BIRC6: variants seen among roughly 807,000 people sequenced by gnomAD.
BIRC6 encodes baculoviral IAP repeat containing 6, also known as dual E2 ubiquitin-conjugating enzyme/E3 ubiquitin-protein ligase BIRC6.
A neutral mutation model predicts 503.3 loss-of-function variants in BIRC6; 98 were observed. The ratio of observed to expected loss-of-function variants is 0.19; its 90% confidence interval spans 0.17 to 0.23. BIRC6 has a LOEUF of 0.23. Ranked by LOEUF, BIRC6 falls within the 10% of genes least tolerant of loss-of-function variation. BIRC6 has a pLI of 1.00. For synonymous variants in BIRC6, 2,240 were observed against 2,078.7 expected, an observed-to-expected ratio of 1.08 and a Z score of -2.11; for missense variants, 5,360 against 5,806.0, an observed-to-expected ratio of 0.92 and a Z score of 2.50.
At chr2:32,392,243 T>C (rs899686666) in intron 5 of BIRC6, 93 bp downstream of exon 5, 10 of 888,070 alleles carry the variant, frequency 1.1e-5, no homozygotes, top group Admixed American at 2.4e-5. Context: ...CAGAAACTTA[T>C]TTTGTGCACC....
intron 65 of BIRC6, among the ~76,000 whole-genome samples, chr2:32,568,111 C>T (rs2059654018): frequency 6.7e-6 from 1 of 148,742 alleles, no homozygotes; most frequent in Admixed American, 6.7e-5. Context: ...GACTCCGTCT[C>T]AAAAAACAAA....
chr2:32,420,937 A>ATT lies in BIRC6; in HGVS notation c.2872+4789_2872+4790dup, dbSNP rs70938343. ...GTCTAGAGGTTTATCTGTTTTATTG[A>ATT]TTTTTTTTTTTTTTTTCAGAACAAC... On this transcript the variant is annotated intron_variant, in intron 10 of 73. Transcript: ENST00000421745. Among the ~76,000 whole-genome samples the ATT allele has an allele frequency of 7.2e-3, 923 of 128,338 alleles. 6 individuals carry two copies. Among genetic ancestry groups the ATT allele is most frequent in the Non-Finnish European group, 0.012 (716 of 61,120 alleles). The allele number at this position is 128,338 out of a possible 152,430, so 84.2% of individuals were successfully genotyped here.
rs2062176397 is a variant in BIRC6 at position 32,603,095 on chromosome 2, T to G, written c.14070+12T>G. On this transcript the variant is annotated intron_variant, in intron 71 of 73. Transcript: ENST00000421745. ...CAAGCTTTTTGCAAGTAAACAAAATTTCTCTGACATTTTCACTTAAGAAAT... is the reference window on the plus strand; with the variant it reads ...CAAGCTTTTTGCAAGTAAACAAAATGTCTCTGACATTTTCACTTAAGAAAT... 6.3e-7 allele frequency: 1 copy of G among 1,599,490 alleles called. No homozygotes were observed. Among genetic ancestry groups the G allele is most frequent in the South Asian group, 1.1e-5 (1 of 88,152 alleles).
chr2:32,520,851 G>A (rs1420202988), intron 57 of BIRC6, among the ~76,000 whole-genome samples: 1 of 152,072 alleles, frequency 6.6e-6, no homozygotes, highest in African/African-American at 2.4e-5. Context: ...AATGAAGAAA[G>A]TGGGGAGGAG....
In BIRC6 at chr2:32,510,405, C is replaced by A. The variant is rs949630864; in HGVS notation, c.10238-121C>A. 1.8e-5 allele frequency: 12 copies of A among 674,772 alleles called. No homozygotes were observed. The African/African-American group carries it at 2.0e-4, about 11-fold the overall frequency. The allele number at this position is 674,772 out of a possible 1,614,324, so 41.8% of individuals were successfully genotyped here. A position where few individuals can be genotyped will look rare whatever the true frequency, so the allele number is the denominator to read the frequency against. ...AGTTTCATTATTTTTAGAGTTTGTT[C>A]TGTGTTGTTGGAATTTATGGAAGCC... On this transcript the variant is annotated intron_variant, in intron 52 of 73. Transcript: ENST00000421745.
At chr2:32,492,063 G>C (rs751708410) in intron 44 of BIRC6, among the ~76,000 whole-genome samples, 1 of 151,974 alleles carries the variant, frequency 6.6e-6, no homozygotes, top group Non-Finnish European at 1.5e-5. Context: ...TACTGCTTCT[G>C]TGTAAATATT....
intron 10 of BIRC6, among the ~76,000 whole-genome samples, chr2:32,422,664 T>C (rs1169046394): frequency 6.6e-6 from 1 of 152,194 alleles, no homozygotes; most frequent in Non-Finnish European, 1.5e-5. Context: ...CATATTTTAT[T>C]GATTTTGCTT....
intron 1 of BIRC6, among the ~76,000 whole-genome samples, chr2:32,375,568 T>G (rs1227077598): frequency 6.6e-6 from 1 of 151,458 alleles, no homozygotes; most frequent in Non-Finnish European, 1.5e-5. Context: ...ATTACAGGCA[T>G]GAGCCACCAT....
chr2:32,491,376 A>G (rs376665164), intron 43 of BIRC6, 49 bp from the exon 44 acceptor site: 26 of 1,508,624 alleles, frequency 1.7e-5, no homozygotes, highest in African/African-American at 2.8e-5. Context: ...CTGCATTTCC[A>G]TTATTTCATG....
intron 50 of BIRC6, 118 bp from the exon 51 acceptor site, chr2:32,507,862 C>T (rs2149559706): frequency 1.1e-6 from 1 of 918,836 alleles, no homozygotes; most frequent in Non-Finnish European, 1.5e-6. Flanking sequence ...ATAAGTTTTC[C>T]TTTTACAAGT....
intron 22 of BIRC6, chr2:32,449,245 T>TAAA (rs2046409869): frequency 5.5e-6 from 1 of 181,956 alleles, no homozygotes; most frequent in Non-Finnish European, 1.1e-5. Flanking sequence ...CTTTTCAGTT[T>TAAA]TATTTGATGT....
Position 32,445,653 on chromosome 2 carries a change from C to T in BIRC6, c.4469C>T (p.Ala1490Val). ...CAGGACAGGCTAACACCAATGGAGGCTTTACTTCAGACAAGGTATTTTAGT... is the reference window on the plus strand; with the variant it reads ...CAGGACAGGCTAACACCAATGGAGGTTTTACTTCAGACAAGGTATTTTAGT... ...QLQDRLTPME[A>V]LLQTRYGLYS... Residue 1490 changes from alanine (A) to valine (V), a missense_variant, in exon 21 of 74, where the codon GCT becomes GTT. Physicochemically the swap from Ala to Val is moderately conservative, Grantham distance 64. Coordinates refer to ENST00000421745, the MANE Select transcript of BIRC6 (RefSeq NM_016252.4). 6.4e-7 allele frequency: 1 copy of T among 1,552,624 alleles called. No individual in the cohort carries two copies. Among genetic ancestry groups the T allele is most frequent in the Non-Finnish European group, 8.7e-7 (1 of 1,148,108 alleles).
At chr2:32,466,841 T>C (rs1337636061) in intron 26 of BIRC6, among the ~76,000 whole-genome samples, 1 of 152,088 alleles carries the variant, frequency 6.6e-6, no homozygotes, top group Non-Finnish European at 1.5e-5. Flanking sequence ...GACGGGTGGC[T>C]AGGTGCGGTG....
intron 1 of BIRC6, among the ~76,000 whole-genome samples, chr2:32,373,893 G>C (rs1419919232): frequency 6.6e-6 from 1 of 152,176 alleles, no homozygotes; most frequent in Non-Finnish European, 1.5e-5. Context: ...TCTGACATAG[G>C]CTCTAATGTG....
chr2:32,547,742 C>G (rs1327126629), intron 63 of BIRC6, 108 bp from the exon 64 acceptor site: 2 of 1,007,272 alleles, frequency 2.0e-6, no homozygotes, highest in African/African-American at 3.3e-5. Context: ...GAGCAGCCAC[C>G]AAACTGTTTT....
At position 32,436,069 on chromosome 2, in the gene BIRC6, A is replaced by T; in HGVS notation, c.3516A>T (p.Pro1172=). The change falls in exon 15 of 74, where the codon CCA becomes CCT. Residue 1172 remains proline (P), a synonymous_variant. Coordinates refer to ENST00000421745, the MANE Select transcript of BIRC6 (RefSeq NM_016252.4). ...TCTTTTTAGGTCTTAGATTATGTCC[A>T]TTTTTGGAGGATCATAAAGAAGACA... The part of the protein sequence containing the change: ...VEESQCLRLC[P]FLEDHKEDIL... The T allele has an allele frequency of 2.8e-6, 4 of 1,430,732 alleles. No individual in the cohort carries two copies. Among genetic ancestry groups the T allele is most frequent in the Non-Finnish European group, 3.7e-6 (4 of 1,075,672 alleles). 88.6% of individuals were successfully genotyped at this position (1,430,732 alleles called of 1,614,324 possible).
At chr2:32,500,137 A>G (rs1424128794) in intron 46 of BIRC6, 28 bp downstream of exon 46, 1 of 1,529,162 alleles carries the variant, frequency 6.5e-7, no homozygotes, top group Non-Finnish European at 8.9e-7. Context: ...TAATCTTACC[A>G]TTGTCTCTGA....
intron 65 of BIRC6, among the ~76,000 whole-genome samples, chr2:32,551,622 A>G (rs2058430860): frequency 6.6e-6 from 1 of 152,174 alleles, no homozygotes; most frequent in South Asian, 2.1e-4. Context: ...ATCTAGCCAG[A>G]GTCTTCCTTA....
chr2:32,591,127 T>A (rs1474477467), intron 66 of BIRC6: 1 of 362,188 alleles, frequency 2.8e-6, no homozygotes, highest in Admixed American at 6.5e-5. Flanking sequence ...CTTCATATAT[T>A]CAAAGTATTC....
Sources: gnomAD v4.1 joint callset for allele counts (sites outside exome capture counted in the v4.1 genomes callset) on GRCh38, gnomAD v4.1.1 for gene constraint, MANE v1.5 for transcripts, NCBI Gene and HGNC (gene_info 2026-07-23, HGNC 2026-07-21) for gene names.